The following KCMF1 variants were observed in gnomAD, a reference collection of about 807,000 sequenced individuals.
The protein encoded by KCMF1 is potassium channel modulatory factor 1.
In KCMF1, 3 loss-of-function variants were observed where a neutral mutation model predicts 41.1. That is an observed-to-expected ratio of 0.07 (90% CI 0.03 to 0.19). KCMF1 has a LOEUF of 0.19. Among genes scored for constraint, KCMF1 ranks in the 10% least tolerant of loss-of-function variants. KCMF1 has a pLI of 1.00. For synonymous variants in KCMF1, 142 were observed against 164.5 expected (o/e 0.86, Z 1.04); for missense variants, 286 against 488.9 (o/e 0.58, Z 3.91).
rs1486176476 is a variant in KCMF1, at chr2:85,058,634, TTG to T, written c.*5227_*5228del. On this transcript the variant is annotated 3_prime_UTR_variant, in exon 7 of 7. Transcript: ENST00000409785. ...TTGAGTTCCCAGTAGGTACGAAGCT[TTG>T]TCTAAACATTATTTACCAACTGCGA... 1.3e-5 allele frequency: 2 copies of T among 152,220 alleles called. No individual in the cohort carries two copies. The highest frequency in any genetic ancestry group is 6.5e-5 in the Admixed American group (1 of 15,282). 9.4% of individuals were successfully genotyped at this position (152,220 alleles called of 1,614,324 possible).
At chr2:85,001,265 C>G (rs980455337) in intron 1 of KCMF1, among the ~76,000 whole-genome samples, 2 of 152,004 alleles carry the variant, frequency 1.3e-5, no homozygotes, top group African/African-American at 4.8e-5. Context: ...TCAAGTGATT[C>G]TTCCACCTCA....
Position 85,043,583 on chromosome 2 carries a change from C to T in KCMF1, c.344C>T (p.Ala115Val), listed in dbSNP as rs770116168. 1.2e-6 allele frequency: 2 copies of T among 1,609,992 alleles called. No homozygotes were observed. Among genetic ancestry groups the T allele is most frequent in the East Asian group, 2.2e-5 (1 of 44,886 alleles). Residue 115 changes from alanine to valine, a missense_variant, in exon 4 of 7, where the codon GCG becomes GTG. Coordinates refer to ENST00000409785, the MANE Select transcript of KCMF1 (RefSeq NM_020122.5). The stretch of plus-strand genomic sequence containing the variant: ...TTTCAGATTTGTCCAATATGTGCAG[C>T]GTTACCTGGAGGCGATCCTAATCAT... ...STEVICPICA[A>V]LPGGDPNHVT...
intron 1 of KCMF1, among the ~76,000 whole-genome samples, chr2:85,019,354 A>G (rs1674871688): frequency 6.6e-6 from 1 of 152,196 alleles, no homozygotes; most frequent in Non-Finnish European, 1.5e-5. Context: ...ATTGAGTGAG[A>G]GTCATTCTAA....
In KCMF1 at chr2:84,976,237, C is replaced by T. The variant is rs1190052852; in HGVS notation, c.16+4770C>T. ...TTTTTTTTTTTTAAAGACAGAGTCT[C>T]GCTCTGTCGCCCAGGCTGGAATGCA... On this transcript the variant is annotated intron_variant, in intron 1 of 6. Coordinates refer to ENST00000409785, the MANE Select transcript of KCMF1 (RefSeq NM_020122.5). Among the ~76,000 whole-genome samples the T allele has an allele frequency of 7.5e-5, 11 of 147,300 alleles. No individual in the cohort carries two copies. The East Asian group carries it at 1.8e-3, about 24-fold the overall frequency.
intron 1 of KCMF1, among the ~76,000 whole-genome samples, chr2:84,991,435 G>T (rs760473182): frequency 2.0e-5 from 3 of 152,232 alleles, no homozygotes; most frequent in Non-Finnish European, 4.4e-5. Context: ...AATATCATTA[G>T]AAATCTTGAA....
At chr2:85,033,891 T>C (rs886700296) in intron 2 of KCMF1, among the ~76,000 whole-genome samples, 5 of 152,016 alleles carry the variant, frequency 3.3e-5, no homozygotes, top group African/African-American at 9.7e-5. Context: ...GGGCAAAATA[T>C]TTTGTGACAG....
chr2:85,019,775 C>T (rs114579696), intron 1 of KCMF1, among the ~76,000 whole-genome samples: 1,609 of 150,270 alleles, frequency 0.011, 27 homozygotes, highest in African/African-American at 0.038. Flanking sequence ...TATACATATA[C>T]GTGTATATAT....
intron 1 of KCMF1, among the ~76,000 whole-genome samples, chr2:84,979,684 A>G (rs1377653380): frequency 6.6e-6 from 1 of 152,090 alleles, no homozygotes; most frequent in Non-Finnish European, 1.5e-5. Context: ...TTTTTAATTA[A>G]TTTTAGTGTT....
chr2:85,002,033 CAT>C (rs1262864995), intron 1 of KCMF1, among the ~76,000 whole-genome samples: 1 of 152,184 alleles, frequency 6.6e-6, no homozygotes, highest in African/African-American at 2.4e-5. Context: ...GGACCACCAT[CAT>C]ATATGCAGTC....
intron 2 of KCMF1, among the ~76,000 whole-genome samples, chr2:85,029,301 G>A (rs1177797214): frequency 1.3e-5 from 2 of 152,038 alleles, no homozygotes; most frequent in East Asian, 3.9e-4. Context: ...CAGATTGTTG[G>A]CTGGTTATGG....
intron 2 of KCMF1, among the ~76,000 whole-genome samples, chr2:85,029,677 A>ATT (rs1178504248): frequency 4.1e-4 from 54 of 130,666 alleles, no homozygotes; most frequent in Non-Finnish European, 5.1e-4. Context: ...TCATGCTATA[A>ATT]TTTTTTTTTT....
Position 85,055,661 on chromosome 2 carries a change from C to T in KCMF1, c.*2252C>T, listed in dbSNP as rs908473700. Reference sequence around the variant, plus strand: ...AATAATGTATTATTTTAGGGTAGAACGACACAGAATATCAATATAAAAATA... The same window carrying T: ...AATAATGTATTATTTTAGGGTAGAATGACACAGAATATCAATATAAAAATA... On this transcript the variant is annotated 3_prime_UTR_variant, in exon 7 of 7. Transcript: ENST00000409785. 22 of 152,154 alleles carry T rather than the reference C, an allele frequency of 1.4e-4. No individual in the cohort carries two copies. Among genetic ancestry groups the T allele is most frequent in the African/African-American group, 4.6e-4 (19 of 41,482 alleles). 9.4% of individuals were successfully genotyped at this position (152,154 alleles called of 1,614,324 possible).
intron 1 of KCMF1, among the ~76,000 whole-genome samples, chr2:85,017,001 A>G (rs1411408157): frequency 6.8e-6 from 1 of 146,286 alleles, no homozygotes; most frequent in East Asian, 2.0e-4. Flanking sequence ...GTATTCATCT[A>G]AGATCCTCTT....
intron 2 of KCMF1, among the ~76,000 whole-genome samples, chr2:85,032,003 G>A (rs1412972563): frequency 3.3e-5 from 5 of 152,152 alleles, no homozygotes; most frequent in African/African-American, 7.2e-5. Context: ...CTCCAAAAGC[G>A]CTGGGATTAT....
chr2:85,032,869 T>C (rs1675309835), intron 2 of KCMF1, among the ~76,000 whole-genome samples: 1 of 152,324 alleles, frequency 6.6e-6, no homozygotes, highest in South Asian at 2.1e-4. Context: ...GGTCATGTCA[T>C]CTGCAAATAA....
intron 1 of KCMF1, among the ~76,000 whole-genome samples, chr2:84,995,563 T>C (rs1674158265): frequency 2.6e-5 from 4 of 152,264 alleles, no homozygotes; most frequent in Admixed American, 2.6e-4. Context: ...TGATGTGAGC[T>C]ACTTGGATCT....
chr2:85,034,396 A>G (rs1458355378), intron 2 of KCMF1, among the ~76,000 whole-genome samples: 1 of 152,132 alleles, frequency 6.6e-6, no homozygotes, highest in Admixed American at 6.6e-5. Flanking sequence ...TGTCAATGTC[A>G]GTGTTGCCCC....
intron 1 of KCMF1, among the ~76,000 whole-genome samples, chr2:84,987,533 C>T (rs796416689): frequency 1.1e-4 from 17 of 152,240 alleles, no homozygotes; most frequent in African/African-American, 3.9e-4. Context: ...ATTGCAGGTT[C>T]TTGTAGTAAA....
chr2:85,039,264 A>G (rs1675470091), intron 3 of KCMF1, among the ~76,000 whole-genome samples: 1 of 152,200 alleles, frequency 6.6e-6, no homozygotes. Flanking sequence ...CTTGAACTAG[A>G]AATAGGAATG....
Sources: allele counts gnomAD v4.1 joint callset (sites outside exome capture counted in the v4.1 genomes callset), GRCh38; gene constraint gnomAD v4.1.1; transcripts MANE v1.5; gene names NCBI Gene and HGNC (gene_info 2026-07-23, HGNC 2026-07-21).